SAMD11: variants seen among roughly 807,000 people sequenced by gnomAD.
SAMD11 encodes sterile alpha motif domain containing 11, also known as sterile alpha motif domain-containing protein 11.
Under a neutral mutation model 64.4 loss-of-function variants are expected in SAMD11, and 77 were observed. That is an observed-to-expected ratio of 1.20 (90% confidence interval 0.99 to 1.44). The LOEUF is 1.44. Ranked by LOEUF, SAMD11 falls within the 40% of genes most tolerant of loss-of-function variation. The pLI is 0.00. For synonymous variants in SAMD11, 658 were observed against 421.9 expected, an observed-to-expected ratio of 1.56 and a Z score of -6.86; for missense variants, 1,402 against 943.3, an observed-to-expected ratio of 1.49 and a Z score of -6.37.
Position 930,336 on chromosome 1 carries a change from G to C in SAMD11, c.791G>C (p.Arg264Thr). Reference protein sequence around the residue: ...DGPHIRIMKRRVHTHWDVNIS... With the variant: ...DGPHIRIMKRTVHTHWDVNIS... ...CCGCACATCCGTATCATGAAGAGAA[G>C]GTACTTGGACCAGGGCCGGACAGGA... The change falls in exon 3 of 14, where the codon AGA becomes ACA. Residue 264 changes from arginine (R) to threonine (T), a missense_variant and splice_region_variant. Arg to Thr is a moderately conservative substitution (Grantham distance 71). Coordinates refer to ENST00000616016, the MANE Select transcript of SAMD11 (RefSeq NM_001385641.1). 1.2e-6 allele frequency: 2 copies of C among 1,600,926 alleles called. No homozygotes were observed. Among genetic ancestry groups the C allele is most frequent in the South Asian group, 2.3e-5 (2 of 88,668 alleles).
At chr1:936,854 G>A (rs1641482144) in intron 5 of SAMD11, among the ~76,000 whole-genome samples, 1 of 152,208 alleles carries the variant, frequency 6.6e-6, no homozygotes, top group Non-Finnish European at 1.5e-5. Context: ...ATCCAGCAGA[G>A]CGGAGGGAGC....
chr1:936,456 G>A (rs148378838), intron 5 of SAMD11, among the ~76,000 whole-genome samples: 1 of 152,124 alleles, frequency 6.6e-6, no homozygotes, highest in Non-Finnish European at 1.5e-5. Context: ...TAGGGCTCCG[G>A]GAAGGATGGG....
At chr1:925,793 G>T in intron 1 of SAMD11, 129 bp from the exon 2 acceptor site, 1 of 671,912 alleles carries the variant, frequency 1.5e-6, no homozygotes, top group Non-Finnish European at 2.7e-6. Context: ...CTGGGAAGTC[G>T]GGCCGAGGTG....
rs770894660 is a variant in SAMD11 at position 942,987 on chromosome 1, G to A, written c.1982G>A (p.Gly661Glu). ...CCAGCTGGAGGGGCCGGCGCCGAGG[G>A]GAAGGGGCTTTTCCCAGGGTCCACA... ...QAPAGGAGAE[G>E]KGLFPGSTLP... The change falls in exon 11 of 14, where the codon GGG becomes GAG. Residue 661 changes from glycine to glutamate, a missense_variant. Coordinates refer to ENST00000616016, the MANE Select transcript of SAMD11 (RefSeq NM_001385641.1). 10 of 1,537,652 alleles carry A rather than the reference G, an allele frequency of 6.5e-6. No homozygotes were observed. Among genetic ancestry groups the A allele is most frequent in the African/African-American group, 5.6e-5 (4 of 71,840 alleles).
chr1:941,152 A>C lies in SAMD11; in HGVS notation c.1204A>C (p.Arg402=). The C allele has an allele frequency of 6.3e-7, 1 of 1,599,024 alleles. No individual in the cohort carries two copies. The highest frequency in any genetic ancestry group is 1.8e-4 in the Middle Eastern group (1 of 5,450). ...TGTTGTCCCCCACCCAGATCTCCTG[A>C]GGGTCCGGCAGGAGGTGGCGGCTGC... The part of the protein sequence containing the change: ...HLGLPSHDLL[R]VRQEVAAAAL... Residue 402 remains arginine, a synonymous_variant, in exon 8 of 14, where the codon AGG becomes CGG. Transcript: ENST00000616016.
chr1:937,203 C>T (rs1025563642), intron 5 of SAMD11, among the ~76,000 whole-genome samples: 1 of 152,116 alleles, frequency 6.6e-6, no homozygotes, highest in African/African-American at 2.4e-5. Context: ...TCCTGTGACC[C>T]CAGGAACCAC....
At chr1:932,399 A>G (rs1353725624) in intron 4 of SAMD11, among the ~76,000 whole-genome samples, 3 of 152,166 alleles carry the variant, frequency 2.0e-5, no homozygotes, top group African/African-American at 7.2e-5. Flanking sequence ...CAGGTCTTCC[A>G]TCCTGCACGG....
intron 7 of SAMD11, 24 bp downstream of exon 7, chr1:939,436 C>T (rs1183064455): frequency 2.1e-6 from 3 of 1,440,312 alleles, no homozygotes; most frequent in Non-Finnish European, 2.9e-6. Flanking sequence ...CTGGCATGAT[C>T]CCCCTCATCA....
In SAMD11 at chr1:943,300, G is replaced by T. The variant is rs577162532; in HGVS notation, c.2101G>T (p.Glu701Ter). Residue 701 changes from glutamate to a stop codon, truncating the protein, a stop_gained, in exon 12 of 14, where the codon GAG becomes TAG. Transcript: ENST00000616016. LOFTEE classifies it high-confidence loss of function. ...GGATGGGGAGGAGGCCCCAGCCCCT[G>T]AGGACGTCACCAAGTGGACCGTGGA... ...SMDGEEAPAP[E>*]DVTKWTVDDV... The T allele has an allele frequency of 6.2e-7, 1 of 1,612,632 alleles. No homozygotes were observed.
At position 943,766 on chromosome 1, in the gene SAMD11, C is replaced by T. The variant is rs1175923837; in HGVS notation, c.2247C>T (p.Asn749=). ...PLLTEEHLLT[N]MGLKLGPALK... ...TGACGGAGGAGCACCTGCTGACCAA[C>T]ATGGGGCTGAAGCTGGGGCCCGCCC... is the stretch of plus-strand genomic sequence containing the variant. Residue 749 remains asparagine (N), a synonymous_variant, in exon 13 of 14, where the codon AAC becomes AAT. Transcript: ENST00000616016. 1 of 1,612,330 alleles carries T rather than the reference C, an allele frequency of 6.2e-7. No homozygotes were observed. The highest frequency in any genetic ancestry group is 1.3e-5 in the African/African-American group (1 of 74,994).
At chr1:941,373 A>T (rs1641756342) in intron 8 of SAMD11, 67 bp downstream of exon 8, 1 of 1,404,264 alleles carries the variant, frequency 7.1e-7, no homozygotes, top group Non-Finnish European at 9.4e-7. Context: ...GCTCTCAGCC[A>T]CCAGCACGCG....
chr1:942,383 A>T, intron 9 of SAMD11, 27 bp from the exon 10 acceptor site: 2 of 1,050,212 alleles, frequency 1.9e-6, no homozygotes, highest in South Asian at 1.5e-5. Flanking sequence ...GGACCCCCCG[A>T]CCCCGCGTTG....
At position 942,659 on chromosome 1, in the gene SAMD11, G is replaced by T; in HGVS notation, c.1654G>T (p.Glu552Ter). 1 of 1,434,256 alleles carries T rather than the reference G, an allele frequency of 7.0e-7. No individual in the cohort carries two copies. Among genetic ancestry groups the T allele is most frequent in the Non-Finnish European group, 9.1e-7 (1 of 1,101,234 alleles). The allele number at this position is 1,434,256 out of a possible 1,614,324, so 88.8% of individuals were successfully genotyped here. Residue 552 changes from glutamate (E) to a stop codon, truncating the protein, a stop_gained, in exon 11 of 14, where the codon GAG (glutamate) becomes TAG (stop). Coordinates refer to ENST00000616016, the MANE Select transcript of SAMD11 (RefSeq NM_001385641.1). LOFTEE classifies it high-confidence loss of function. ...ETALRPNDGAEELQRRGALLV... is the reference protein window; with the variant it reads ...ETALRPNDGA Reference sequence around the variant, plus strand: ...CGCCCTGCGCCCCAACGACGGCGCCGAGGAGCTGCAGCGGCGCGGGGCCCT... The same window carrying T: ...CGCCCTGCGCCCCAACGACGGCGCCTAGGAGCTGCAGCGGCGCGGGGCCCT...
chr1:937,403 C>T (rs957336648), intron 5 of SAMD11, among the ~76,000 whole-genome samples: 1 of 151,160 alleles, frequency 6.6e-6, no homozygotes, highest in Non-Finnish European at 1.5e-5. Flanking sequence ...CCTGCCCCCC[C>T]CCCCACCCAG....
chr1:934,044 C>A (rs1376917796), intron 4 of SAMD11, among the ~76,000 whole-genome samples: 1 of 79,694 alleles, frequency 1.3e-5, no homozygotes, highest in African/African-American at 8.4e-5. Context: ...GCAGGGGAGG[C>A]GGCTGCGTTA....
intron 1 of SAMD11, chr1:925,262 G>T (rs1640821295): frequency 6.6e-6 from 1 of 152,382 alleles, no homozygotes; most frequent in African/African-American, 2.4e-5. Flanking sequence ...GCAGGAGGCG[G>T]GTTGGGAGGG....
At chr1:939,165 G>A in intron 6 of SAMD11, 36 bp downstream of exon 6, 1 of 1,558,768 alleles carries the variant, frequency 6.4e-7, no homozygotes, top group Non-Finnish European at 8.7e-7. Context: ...CAGGTCACCA[G>A]GGGAGGGGGC....
rs778983657 is a variant in SAMD11, at chr1:943,985, G to A, written c.2367G>A (p.Arg789=). 3.1e-6 allele frequency: 5 copies of A among 1,612,792 alleles called. No individual in the cohort carries two copies. The highest frequency in any genetic ancestry group is 2.2e-5 in the East Asian group (1 of 44,876). ...TGCCACTGCAGCCACCAACCCTGCG[G>A]GCCCCGGAGCGAGAACTCGGCACAG... is the stretch of plus-strand genomic sequence containing the variant. ...VALPLQPPTL[R]APERELGTGE... Residue 789 remains arginine, a synonymous_variant, in exon 14 of 14, where the codon CGG becomes CGA. Transcript: ENST00000616016.
In SAMD11 at chr1:936,691, G is replaced by A. The variant is rs1641470570; in HGVS notation, c.967+795G>A. ...TGCATCTCTTGGGAAGGAGGGGTGG[G>A]GGAGGCCCACCCCCATCTGTGTCCC... On this transcript the variant is annotated intron_variant, in intron 5 of 13. Transcript: ENST00000616016. 2.0e-5 allele frequency among the ~76,000 whole-genome samples: 3 copies of A among 152,102 alleles called. No homozygotes were observed. The South Asian group carries it at 6.2e-4, about 31-fold the overall frequency.
Sources: gnomAD v4.1 joint callset for allele counts (sites outside exome capture counted in the v4.1 genomes callset) on GRCh38, gnomAD v4.1.1 for gene constraint, MANE v1.5 for transcripts, NCBI Gene and HGNC (gene_info 2026-07-23, HGNC 2026-07-21) for gene names.